CAPZB: variants seen among roughly 807,000 people sequenced by gnomAD.
The protein encoded by CAPZB is capping actin protein of muscle Z-line subunit beta.
CAPZB carries 2 observed loss-of-function variants against 38.1 expected under a neutral mutation model. That is an observed-to-expected ratio of 0.05 (90% CI 0.02 to 0.17). CAPZB has a LOEUF of 0.17. Ranked by LOEUF, CAPZB falls within the 10% of genes least tolerant of loss-of-function variation. The probability of loss-of-function intolerance (pLI) is 1.00; values close to 1 mark genes in which losing one functional copy is unlikely to be tolerated. For missense variants in CAPZB, 161 were observed against 334.2 expected (o/e 0.48, Z 4.04); for synonymous variants, 107 against 127.4 (o/e 0.84, Z 1.08).
At chr1:19,354,367 C>A (rs1569918835) in intron 6 of CAPZB, among the ~76,000 whole-genome samples, 1 of 152,332 alleles carries the variant, frequency 6.6e-6, no homozygotes, top group East Asian at 1.9e-4. Context: ...GCAACCCTCA[C>A]TTCCCCTGTT....
At chr1:19,432,673 C>T (rs1480359441) in intron 1 of CAPZB, among the ~76,000 whole-genome samples, 1 of 152,190 alleles carries the variant, frequency 6.6e-6, no homozygotes, top group Non-Finnish European at 1.5e-5. Flanking sequence ...CTCTTGGGTA[C>T]CCCAGTTTCA....
At chr1:19,454,367 C>A (rs1041859498) in intron 1 of CAPZB, among the ~76,000 whole-genome samples, 1 of 152,138 alleles carries the variant, frequency 6.6e-6, no homozygotes, top group Non-Finnish European at 1.5e-5. Flanking sequence ...CCTATGTTAC[C>A]CCATAATATC....
chr1:19,393,342 C>A (rs971445310), intron 2 of CAPZB, among the ~76,000 whole-genome samples: 1 of 152,172 alleles, frequency 6.6e-6, no homozygotes, highest in Non-Finnish European at 1.5e-5. Context: ...CCCTGAGTAA[C>A]CAGAGGGGGA....
chr1:19,364,601 G>A (rs1261215584), intron 4 of CAPZB, among the ~76,000 whole-genome samples: 2 of 151,916 alleles, frequency 1.3e-5, no homozygotes, highest in African/African-American at 4.8e-5. Context: ...TTCCTCATAC[G>A]ACTCAATACC....
intron 1 of CAPZB, among the ~76,000 whole-genome samples, chr1:19,482,893 CG>C (rs1464948206): frequency 3.3e-5 from 5 of 152,242 alleles, no homozygotes; most frequent in African/African-American, 9.6e-5. Context: ...AGGGGATAAA[CG>C]TAACAATAAG....
chr1:19,390,451 G>A (rs1273499050), intron 2 of CAPZB, among the ~76,000 whole-genome samples: 3 of 152,240 alleles, frequency 2.0e-5, no homozygotes, highest in African/African-American at 7.2e-5. Flanking sequence ...AACACCAAAG[G>A]TGTCAGACCA....
chr1:19,373,717 G>C (rs2094131142), intron 4 of CAPZB, among the ~76,000 whole-genome samples: 1 of 151,258 alleles, frequency 6.6e-6, no homozygotes, highest in Non-Finnish European at 1.5e-5. Context: ...CAGAGACAAG[G>C]ACTCACTCTG....
At chr1:19,436,435 C>A (rs549341109) in intron 1 of CAPZB, among the ~76,000 whole-genome samples, 1 of 152,132 alleles carries the variant, frequency 6.6e-6, no homozygotes, top group South Asian at 2.1e-4. Context: ...TTCAGATATG[C>A]CGAAGTGAAG....
chr1:19,410,605 C>T (rs753773557), intron 2 of CAPZB, among the ~76,000 whole-genome samples: 3 of 151,930 alleles, frequency 2.0e-5, no homozygotes, highest in African/African-American at 4.8e-5. Flanking sequence ...GCTGGTCAAG[C>T]TCTGGAGGAA....
At chr1:19,376,544 T>C (rs1472263952) in intron 4 of CAPZB, among the ~76,000 whole-genome samples, 1 of 152,244 alleles carries the variant, frequency 6.6e-6, no homozygotes, top group Non-Finnish European at 1.5e-5. Context: ...AGTTTGCCCC[T>C]GCCTCAGAGA....
At chr1:19,460,882 A>G (rs1279050908) in intron 1 of CAPZB, among the ~76,000 whole-genome samples, 1 of 152,160 alleles carries the variant, frequency 6.6e-6, no homozygotes, top group Non-Finnish European at 1.5e-5. Context: ...GCATAAGCAT[A>G]TAATTTGAAC....
chr1:19,485,326 C>T (rs928118173), intron 1 of CAPZB, 110 bp downstream of exon 1: 14 of 758,446 alleles, frequency 1.8e-5, no homozygotes, highest in Non-Finnish European at 2.2e-5. Flanking sequence ...GGACCCCGCC[C>T]CTCCCCCACC....
chr1:19,422,062 G>A (rs2094403345), intron 1 of CAPZB, among the ~76,000 whole-genome samples: 1 of 151,952 alleles, frequency 6.6e-6, no homozygotes, highest in Non-Finnish European at 1.5e-5. Flanking sequence ...GGCCAAGCAA[G>A]AATAGAAAAC....
At chr1:19,390,487 C>T (rs536622462) in intron 2 of CAPZB, among the ~76,000 whole-genome samples, 1 of 152,360 alleles carries the variant, frequency 6.6e-6, no homozygotes, top group African/African-American at 2.4e-5. Context: ...GGGATTTAAA[C>T]ATAATTCCCA....
intron 1 of CAPZB, among the ~76,000 whole-genome samples, chr1:19,453,198 T>C (rs945445643): frequency 9.2e-5 from 14 of 152,126 alleles, no homozygotes; most frequent in East Asian, 1.9e-4. Flanking sequence ...CAACCTGGCA[T>C]ACAGGCCCGG....
intron 6 of CAPZB, among the ~76,000 whole-genome samples, chr1:19,350,379 C>T (rs945594815): frequency 2.6e-5 from 4 of 152,256 alleles, no homozygotes; most frequent in Admixed American, 6.5e-5. Flanking sequence ...CAGCTCTCAC[C>T]GATTGTCAAA....
intron 2 of CAPZB, among the ~76,000 whole-genome samples, chr1:19,389,424 C>T (rs1386822913): frequency 7.5e-6 from 1 of 133,122 alleles, no homozygotes; most frequent in East Asian, 2.3e-4. Flanking sequence ...TTACATGGGT[C>T]GTGTGTTTTT....
At chr1:19,393,472 G>A (rs1264282236) in intron 2 of CAPZB, among the ~76,000 whole-genome samples, 1 of 152,234 alleles carries the variant, frequency 6.6e-6, no homozygotes, top group Non-Finnish European at 1.5e-5. Flanking sequence ...CCCCCAACCT[G>A]TGGATGAGAA....
chr1:19,344,300 G>A (rs755948192), intron 8 of CAPZB, 58 bp downstream of exon 8: 29 of 1,406,606 alleles, frequency 2.1e-5, no homozygotes, highest in Non-Finnish European at 2.9e-5. Context: ...GTAACTGGCA[G>A]AGCCAGGGTT....
Sources: allele counts gnomAD v4.1 joint callset (sites outside exome capture counted in the v4.1 genomes callset), GRCh38; gene constraint gnomAD v4.1.1; transcripts MANE v1.5; gene names NCBI Gene and HGNC (gene_info 2026-07-23, HGNC 2026-07-21).